Variants in CCDC148 observed in about 807,000 individuals in gnomAD.
CCDC148 encodes the protein coiled-coil domain containing 148.
Under a neutral mutation model 85.7 loss-of-function variants are expected in CCDC148, and 89 were observed. That is an observed-to-expected ratio of 1.04 (90% confidence interval 0.87 to 1.24). The LOEUF (loss-of-function observed/expected upper bound fraction) is 1.24. CCDC148 is among the 50% of genes most tolerant of loss of function. The probability of loss-of-function intolerance (pLI) is 0.00; values close to 1 mark genes in which losing one functional copy is unlikely to be tolerated. For missense variants in CCDC148, 692 were observed against 671.7 expected (o/e 1.03, Z -0.33); for synonymous variants, 230 against 213.9 (o/e 1.08, Z -0.66).
At chr2:158,428,194 T>C (rs1420042300) in intron 1 of CCDC148, among the ~76,000 whole-genome samples, 1 of 152,080 alleles carries the variant, frequency 6.6e-6, no homozygotes, top group African/African-American at 2.4e-5. Flanking sequence ...GTAGATCAGA[T>C]GAAAGATGAT....
intron 10 of CCDC148, among the ~76,000 whole-genome samples, chr2:158,226,951 A>G (rs1374847394): frequency 2.6e-5 from 4 of 152,030 alleles, no homozygotes; most frequent in African/African-American, 4.8e-5. Context: ...GGAAGTTCTG[A>G]CAAGGGCAAT....
At chr2:158,285,691 C>A (rs532759430) in intron 9 of CCDC148, among the ~76,000 whole-genome samples, 4 of 151,592 alleles carry the variant, frequency 2.6e-5, no homozygotes, top group Non-Finnish European at 5.9e-5. Flanking sequence ...CCACCACGCC[C>A]GGCTAATTTT....
At chr2:158,181,861 A>T (rs956441660) in intron 11 of CCDC148, among the ~76,000 whole-genome samples, 2 of 151,622 alleles carry the variant, frequency 1.3e-5, no homozygotes, top group African/African-American at 4.8e-5. Context: ...ATCTGCTGTG[A>T]TATGCAGGAT....
intron 1 of CCDC148, among the ~76,000 whole-genome samples, chr2:158,417,265 C>T (rs183790589): frequency 3.3e-5 from 5 of 152,298 alleles, no homozygotes; most frequent in African/African-American, 1.2e-4. Flanking sequence ...GTAAATGTAA[C>T]AACAGCCACA....
intron 3 of CCDC148, among the ~76,000 whole-genome samples, chr2:158,342,324 C>T (rs1559084193): frequency 6.6e-6 from 1 of 152,110 alleles, no homozygotes; most frequent in African/African-American, 2.4e-5. Context: ...AGCCAATTTA[C>T]ATGGGACAAG....
chr2:158,219,500 G>A (rs974084691), intron 11 of CCDC148, among the ~76,000 whole-genome samples: 1 of 152,190 alleles, frequency 6.6e-6, no homozygotes, highest in Non-Finnish European at 1.5e-5. Context: ...TTCCTGGTTT[G>A]TGTGTTTATG....
intron 1 of CCDC148, among the ~76,000 whole-genome samples, chr2:158,395,267 G>C (rs974354286): frequency 6.6e-6 from 1 of 152,164 alleles, no homozygotes; most frequent in Middle Eastern, 3.4e-3. Flanking sequence ...AAACCTGCCC[G>C]TGGTACACAG....
chr2:158,206,261 CT>C (rs1310883003), intron 11 of CCDC148, among the ~76,000 whole-genome samples: 1 of 152,142 alleles, frequency 6.6e-6, no homozygotes, highest in African/African-American at 2.4e-5. Flanking sequence ...CTAGGAGTAC[CT>C]AAGCAGTACC....
chr2:158,223,910 T>G (rs963585867), intron 10 of CCDC148, among the ~76,000 whole-genome samples: 2 of 151,922 alleles, frequency 1.3e-5, no homozygotes, highest in African/African-American at 4.8e-5. Context: ...AAAATCAGAG[T>G]GCCTCTCCTT....
chr2:158,273,653 C>T (rs1451896010), intron 9 of CCDC148, among the ~76,000 whole-genome samples: 1 of 152,150 alleles, frequency 6.6e-6, no homozygotes, highest in African/African-American at 2.4e-5. Flanking sequence ...CCTGCATTCC[C>T]TCTAGTATTT....
At chr2:158,336,839 T>G (rs1682411523) in intron 7 of CCDC148, among the ~76,000 whole-genome samples, 1 of 152,164 alleles carries the variant, frequency 6.6e-6, no homozygotes, top group Non-Finnish European at 1.5e-5. Context: ...AGTCTAGTCA[T>G]TTAATCTCCC....
intron 9 of CCDC148, among the ~76,000 whole-genome samples, chr2:158,289,142 A>G (rs1271232065): frequency 6.6e-6 from 1 of 152,216 alleles, no homozygotes; most frequent in African/African-American, 2.4e-5. Flanking sequence ...CAGCCAAACT[A>G]TATCAATGAC....
rs565949608 is a variant in CCDC148, at chr2:158,223,173, C to T, written c.1252-2460G>A. 6.6e-5 allele frequency among the ~76,000 whole-genome samples: 10 copies of T among 152,298 alleles called. No homozygotes were observed. In the South Asian group the frequency reaches 2.1e-3, roughly 32 times the overall value. ...AAAGGGCACACCAGGAGATCATATC[C>T]CTCGCCTGGCTTGGAGGGTCCTACG... is the stretch of plus-strand genomic sequence containing the variant. On this transcript the variant is annotated intron_variant, in intron 10 of 13. Coordinates refer to ENST00000283233, the MANE Select transcript of CCDC148 (RefSeq NM_138803.4).
At chr2:158,420,931 T>G (rs1470206219) in intron 1 of CCDC148, among the ~76,000 whole-genome samples, 1 of 148,976 alleles carries the variant, frequency 6.7e-6, no homozygotes, top group African/African-American at 2.5e-5. Context: ...AAGCAGGGGT[T>G]GCAATCCTAG....
intron 1 of CCDC148, among the ~76,000 whole-genome samples, chr2:158,379,924 C>T (rs1458303124): frequency 6.6e-6 from 1 of 152,044 alleles, no homozygotes; most frequent in African/African-American, 2.4e-5. Flanking sequence ...TGGAATCAAA[C>T]CTGCAATATC....
chr2:158,374,725 A>G (rs1381612607), intron 1 of CCDC148, among the ~76,000 whole-genome samples: 1 of 151,946 alleles, frequency 6.6e-6, no homozygotes, highest in Non-Finnish European at 1.5e-5. Flanking sequence ...ATATGTAATT[A>G]AAAGTAATCA....
chr2:158,245,004 G>T (rs748263264), intron 10 of CCDC148, among the ~76,000 whole-genome samples: 4 of 152,130 alleles, frequency 2.6e-5, no homozygotes, highest in Non-Finnish European at 5.9e-5. Flanking sequence ...AGATGCTGGA[G>T]AACAGATTTT....
intron 9 of CCDC148, among the ~76,000 whole-genome samples, chr2:158,302,647 G>C (rs768079787): frequency 5.9e-4 from 90 of 152,206 alleles, no homozygotes; most frequent in Non-Finnish European, 1.2e-3. Flanking sequence ...AGCTGGGTGT[G>C]GTGGCACATG....
intron 1 of CCDC148, among the ~76,000 whole-genome samples, chr2:158,371,300 T>C (rs1684430425): frequency 6.6e-6 from 1 of 152,054 alleles, no homozygotes; most frequent in South Asian, 2.1e-4. Flanking sequence ...CTTTAAAATG[T>C]TAACATTAGA....
Sources: gnomAD v4.1 joint callset for allele counts (sites outside exome capture counted in the v4.1 genomes callset) on GRCh38, gnomAD v4.1.1 for gene constraint, MANE v1.5 for transcripts, NCBI Gene and HGNC (gene_info 2026-07-23, HGNC 2026-07-21) for gene names.